GPC3: variants seen among roughly 807,000 people sequenced by gnomAD.
GPC3 encodes the protein glypican 3.
A neutral mutation model predicts 34.4 loss-of-function variants in GPC3; 3 were observed. The observed-to-expected ratio is 0.09, with a 90% CI of 0.04 to 0.23. The LOEUF is 0.23. Among genes scored for constraint, GPC3 ranks in the 10% least tolerant of loss-of-function variants. The pLI, the probability that GPC3 is intolerant of heterozygous loss-of-function variation, is 1.00. For missense variants in GPC3, 351 were observed against 445.6 expected (o/e 0.79, Z 1.91); for synonymous variants, 177 against 174.0 (o/e 1.02, Z -0.13).
At chrX:133,852,968 G>A (rs58033409) in intron 2 of GPC3, among the ~76,000 whole-genome samples, 2,824 of 80,164 alleles carry the variant, frequency 0.035, 54 homozygotes, top group African/African-American at 0.063. Flanking sequence ...TTAATTTGAC[G>A]TGCAATTTTT....
At chrX:133,981,246 G>A in intron 1 of GPC3, among the ~76,000 whole-genome samples, 2 of 111,772 alleles carry the variant, frequency 1.8e-5, no homozygotes, top group East Asian at 2.8e-4. Context: ...AATCCTACAA[G>A]TTTCCTGGGA....
intron 3 of GPC3, among the ~76,000 whole-genome samples, chrX:133,748,079 A>C (rs749503158): frequency 8.9e-6 from 1 of 112,347 alleles, no homozygotes; most frequent in African/African-American, 3.2e-5. Context: ...AAATTACAGA[A>C]AGTTTTGGGA....
At chrX:133,896,921 T>TG (rs1224697305) in intron 2 of GPC3, among the ~76,000 whole-genome samples, 4 of 105,081 alleles carry the variant, frequency 3.8e-5, no homozygotes, top group Non-Finnish European at 5.9e-5. Flanking sequence ...TTTTTTTTTT[T>TG]TTTGAGATGG....
chrX:133,683,832 G>A (rs1375428972), intron 5 of GPC3, among the ~76,000 whole-genome samples: 1 of 111,776 alleles, frequency 8.9e-6, no homozygotes, highest in African/African-American at 3.3e-5. Context: ...GTATTGCCAC[G>A]AGAGTATGTC....
intron 5 of GPC3, among the ~76,000 whole-genome samples, chrX:133,662,496 T>C (rs2070736313): frequency 8.9e-6 from 1 of 111,943 alleles, no homozygotes; most frequent in South Asian, 3.8e-4. Flanking sequence ...TACTCCAGAA[T>C]TGAAGTTTCA....
At chrX:133,842,778 T>C (rs747562296) in intron 2 of GPC3, among the ~76,000 whole-genome samples, 5 of 110,927 alleles carry the variant, frequency 4.5e-5, no homozygotes, top group Non-Finnish European at 7.5e-5. Context: ...TTCTCATTCA[T>C]ATGGATGGTG....
chrX:133,630,575 T>C (rs746475938), intron 6 of GPC3, among the ~76,000 whole-genome samples: 12 of 111,553 alleles, frequency 1.1e-4, no homozygotes, highest in Non-Finnish European at 1.9e-4. Flanking sequence ...ACACTGAAGA[T>C]TGTTGCCTCC....
chrX:133,754,966 C>T (rs1483026573), intron 2 of GPC3, among the ~76,000 whole-genome samples: 1 of 111,959 alleles, frequency 8.9e-6, no homozygotes, highest in Non-Finnish European at 1.9e-5. Flanking sequence ...TTCATGATTA[C>T]ATCTGCTGCC....
At chrX:133,940,016 T>C (rs914523935) in intron 2 of GPC3, among the ~76,000 whole-genome samples, 1 of 111,280 alleles carries the variant, frequency 9.0e-6, no homozygotes, top group Non-Finnish European at 1.9e-5. Context: ...ATTGTGTTTG[T>C]CAGGGTAGCA....
intron 1 of GPC3, among the ~76,000 whole-genome samples, chrX:133,982,230 GCTT>G: frequency 8.9e-6 from 1 of 111,781 alleles, no homozygotes. Context: ...GAGCTCATTG[GCTT>G]TTTTCTGAAT....
intron 3 of GPC3, among the ~76,000 whole-genome samples, chrX:133,751,094 T>G (rs1371803947): frequency 1.9e-5 from 2 of 105,555 alleles, no homozygotes; most frequent in East Asian, 5.9e-4. Context: ...AATAAATAAA[T>G]AAATAAATAA....
intron 6 of GPC3, 41 bp downstream of exon 6, chrX:133,661,689 T>C (rs1160806457): frequency 1.6e-6 from 1 of 632,456 alleles, no homozygotes; most frequent in Non-Finnish European, 2.2e-6. Flanking sequence ...CTCTCGGTTA[T>C]TTCTACTTTT....
intron 2 of GPC3, among the ~76,000 whole-genome samples, chrX:133,909,235 C>A: frequency 8.9e-6 from 1 of 112,665 alleles, no homozygotes; most frequent in African/African-American, 3.2e-5. Flanking sequence ...ATTGAATCCG[C>A]TGATCAACCA....
At chrX:133,799,517 A>G (rs1408534543) in intron 2 of GPC3, among the ~76,000 whole-genome samples, 2 of 111,659 alleles carry the variant, frequency 1.8e-5, no homozygotes, top group Non-Finnish European at 3.8e-5. Flanking sequence ...GAGGTCTACA[A>G]GGGCAGGGCT....
At chrX:133,767,814 T>C (rs1013322217) in intron 2 of GPC3, among the ~76,000 whole-genome samples, 1 of 111,056 alleles carries the variant, frequency 9.0e-6, no homozygotes, top group African/African-American at 3.3e-5. Context: ...AGCTTTCCCC[T>C]GAGCCTGCCC....
intron 2 of GPC3, among the ~76,000 whole-genome samples, chrX:133,765,490 TA>T (rs919756563): frequency 3.6e-5 from 4 of 111,989 alleles, no homozygotes; most frequent in Non-Finnish European, 7.5e-5. Flanking sequence ...CTTTATCTAA[TA>T]AAAAACCTGT....
intron 3 of GPC3, among the ~76,000 whole-genome samples, chrX:133,752,562 T>C (rs2071676312): frequency 9.0e-6 from 1 of 111,425 alleles, no homozygotes; most frequent in Admixed American, 9.5e-5. Flanking sequence ...AGGAATCAGA[T>C]ACTACCTTAG....
At chrX:133,920,452 C>T (rs975828963) in intron 2 of GPC3, among the ~76,000 whole-genome samples, 3 of 111,631 alleles carry the variant, frequency 2.7e-5, no homozygotes, top group African/African-American at 9.8e-5. Context: ...AATATGTGTA[C>T]ACAGGTGATA....
At chrX:133,888,021 C>A (rs1006131348) in intron 2 of GPC3, among the ~76,000 whole-genome samples, 48 of 109,052 alleles carry the variant, frequency 4.4e-4, no homozygotes, top group African/African-American at 1.6e-3. Context: ...TTTGCTGCAC[C>A]CATCAACCCG....
Sources: allele counts gnomAD v4.1 joint callset (sites outside exome capture counted in the v4.1 genomes callset), GRCh38; gene constraint gnomAD v4.1.1; transcripts MANE v1.5; gene names NCBI Gene and HGNC (gene_info 2026-07-23, HGNC 2026-07-21).